Variants in UPP2 observed in about 807,000 individuals in gnomAD.
UPP2 encodes the protein uridine phosphorylase 2.
In UPP2, 23 loss-of-function variants were observed where a neutral mutation model predicts 26.7. That is an observed-to-expected ratio of 0.86 (90% CI 0.62 to 1.22). The LOEUF is 1.22. UPP2 is among the 50% of genes most tolerant of loss of function. UPP2 has a pLI of 0.00. For missense variants in UPP2, 387 were observed against 396.7 expected (o/e 0.98, Z 0.21); for synonymous variants, 127 against 141.3 (o/e 0.90, Z 0.72).
intron 2 of UPP2, among the ~76,000 whole-genome samples, chr2:158,113,647 T>C (rs1455566110): frequency 6.6e-6 from 1 of 152,226 alleles, no homozygotes; most frequent in East Asian, 1.9e-4. Flanking sequence ...CATCATGTAC[T>C]CAGACCACCC....
At chr2:158,102,271 T>A in intron 1 of UPP2, 146 bp downstream of exon 1, 1 of 811,178 alleles carries the variant, frequency 1.2e-6, no homozygotes, top group Non-Finnish European at 1.7e-6. Context: ...CATAAAGCAA[T>A]AAAAACAGTG....
intron 5 of UPP2, among the ~76,000 whole-genome samples, chr2:158,123,116 G>A (rs1683606192): frequency 1.3e-5 from 2 of 152,178 alleles, no homozygotes; most frequent in Non-Finnish European, 2.9e-5. Flanking sequence ...TACGGAAGGA[G>A]TAATGACATC....
At chr2:158,000,095 G>A (rs1045820349) in intron 2 of UPP2, among the ~76,000 whole-genome samples, 1 of 151,366 alleles carries the variant, frequency 6.6e-6, no homozygotes, top group East Asian at 1.9e-4. Flanking sequence ...CAGAGTCTTG[G>A]TCTTGTCCCC....
chr2:158,002,205 T>A (rs578148095), intron 2 of UPP2, among the ~76,000 whole-genome samples: 2 of 152,000 alleles, frequency 1.3e-5, no homozygotes, highest in African/African-American at 4.8e-5. Flanking sequence ...TTAGGAAATA[T>A]ACAGACAGAT....
chr2:158,115,120 G>T lies in UPP2; in HGVS notation c.200G>T (p.Ser67Ile). 6.2e-7 allele frequency: 1 copy of T among 1,608,128 alleles called. No homozygotes were observed. ...GDVKFVCVGG[S>I]PNRMKAFALF... ...TAACAGTTTGTCTGTGTCGGTGGGA[G>T]CCCCAACAGAATGAAAGCATTTGCA... The change falls in exon 3 of 7, where the codon AGC (serine) becomes ATC (isoleucine). Residue 67 changes from serine (S) to isoleucine (I), a missense_variant. Physicochemically the swap from Ser to Ile is moderately radical, Grantham distance 142 (BLOSUM62 -2). Transcript: ENST00000005756.
intron 6 of UPP2, among the ~76,000 whole-genome samples, chr2:158,125,395 A>C (rs1461309320): frequency 6.6e-6 from 1 of 151,916 alleles, no homozygotes; most frequent in African/African-American, 2.4e-5. Context: ...AAACGTGGGA[A>C]GAACACGCAA....
At chr2:158,022,883 A>T (rs1683774542) in intron 3 of UPP2, among the ~76,000 whole-genome samples, 1 of 152,204 alleles carries the variant, frequency 6.6e-6, no homozygotes, top group Admixed American at 6.5e-5. Context: ...TCTTCCATTT[A>T]GGGATACAGG....
rs1553467788 is a variant in UPP2 at position 158,083,865 on chromosome 2, T to TATATATATATATATATATATA, written c.148-18175_148-18174insATATATATATATATATATATA. On this transcript the variant is annotated intron_variant, in intron 3 of 9. Transcript: ENST00000605860. ...TTATGTCTGTTTATATATATATGTT[T>TATATATATATATATATATATA]TTTATATATATATATATATCTCACA... Among the ~76,000 whole-genome samples, 86 of 118,708 alleles carry TATATATATATATATATATATA rather than the reference T, an allele frequency of 7.2e-4. 1 individual carries two copies. The highest frequency in any genetic ancestry group is 2.6e-3 in the African/African-American group (82 of 31,196). 77.9% of individuals were successfully genotyped at this position (118,708 alleles called of 152,430 possible). A position where few individuals can be genotyped will look rare whatever the true frequency, so the allele number is the denominator to read the frequency against.
intron 2 of UPP2, among the ~76,000 whole-genome samples, chr2:158,002,059 G>A (rs1481081812): frequency 6.6e-6 from 1 of 150,594 alleles, no homozygotes; most frequent in Non-Finnish European, 1.5e-5. Flanking sequence ...GGGCTTCACA[G>A]ATTCACCTTT....
At chr2:158,089,805 G>A (rs891313227) in intron 3 of UPP2, among the ~76,000 whole-genome samples, 1 of 152,178 alleles carries the variant, frequency 6.6e-6, no homozygotes, top group African/African-American at 2.4e-5. Flanking sequence ...GTATATGTTT[G>A]GGGGCAGAAT....
intron 6 of UPP2, among the ~76,000 whole-genome samples, chr2:158,134,448 A>G (rs1683889412): frequency 6.6e-6 from 1 of 152,230 alleles, no homozygotes; most frequent in Non-Finnish European, 1.5e-5. Context: ...CAGATTGCAA[A>G]GCTTTCTCCT....
intron 3 of UPP2, among the ~76,000 whole-genome samples, chr2:158,030,204 A>G (rs1306112207): frequency 6.6e-6 from 1 of 152,210 alleles, no homozygotes; most frequent in African/African-American, 2.4e-5. Flanking sequence ...AACATGGAAA[A>G]TATATTTTGA....
intron 3 of UPP2, among the ~76,000 whole-genome samples, chr2:158,020,623 C>T (rs1007074282): frequency 2.0e-5 from 3 of 152,202 alleles, no homozygotes; most frequent in Non-Finnish European, 2.9e-5. Flanking sequence ...GCTAGAGAAG[C>T]CTGCTGAAGC....
chr2:158,054,706 C>T (rs1303750480), intron 3 of UPP2, among the ~76,000 whole-genome samples: 1 of 152,148 alleles, frequency 6.6e-6, no homozygotes, highest in African/African-American at 2.4e-5. Context: ...TTAATTGGTT[C>T]TTCTCATCCC....
At chr2:158,129,211 T>C (rs1683758140) in intron 6 of UPP2, among the ~76,000 whole-genome samples, 1 of 152,030 alleles carries the variant, frequency 6.6e-6, no homozygotes, top group Non-Finnish European at 1.5e-5. Flanking sequence ...TCCCCTGCTA[T>C]GACCCCAGGG....
chr2:158,087,050 C>G (rs1026129987), intron 3 of UPP2, among the ~76,000 whole-genome samples: 16 of 152,150 alleles, frequency 1.1e-4, no homozygotes, highest in African/African-American at 3.9e-4. Context: ...TGTTGACTTT[C>G]TGTCATGATG....
chr2:158,003,477 G>A (rs760616933), intron 2 of UPP2, among the ~76,000 whole-genome samples: 1 of 152,262 alleles, frequency 6.6e-6, no homozygotes, highest in African/African-American at 2.4e-5. Flanking sequence ...GGAGGCCAAG[G>A]TGGGTGGATC....
At chr2:158,039,893 A>G (rs896246724) in intron 3 of UPP2, among the ~76,000 whole-genome samples, 1 of 152,182 alleles carries the variant, frequency 6.6e-6, no homozygotes, top group African/African-American at 2.4e-5. Flanking sequence ...CTGAGGCCCC[A>G]GGGGAGGGGT....
intron 3 of UPP2, among the ~76,000 whole-genome samples, chr2:158,072,663 GAC>G (rs1237004696): frequency 6.9e-6 from 1 of 144,462 alleles, no homozygotes; most frequent in Non-Finnish European, 1.5e-5. Flanking sequence ...CAGACAGACA[GAC>G]AGACAGACAG....
Sources: allele counts gnomAD v4.1 joint callset (sites outside exome capture counted in the v4.1 genomes callset), GRCh38; gene constraint gnomAD v4.1.1; transcripts MANE v1.5; gene names NCBI Gene and HGNC (gene_info 2026-07-23, HGNC 2026-07-21).